WDR7: variants seen among roughly 807,000 people sequenced by gnomAD.
WDR7 encodes WD repeat domain 7.
WDR7 carries 46 observed loss-of-function variants against 169.4 expected under a neutral mutation model. The ratio of observed to expected loss-of-function variants is 0.27; its 90% CI spans 0.21 to 0.35. WDR7 has a LOEUF of 0.35. WDR7 is among the 10% of genes least tolerant of loss of function. WDR7 has a pLI of 1.00. For synonymous variants in WDR7, 612 were observed against 666.8 expected (o/e 0.92, Z 1.27); for missense variants, 1,534 against 1,859.3 (o/e 0.83, Z 3.22).
At chr18:56,660,464 A>G (rs1043492147) in intron 1 of WDR7, among the ~76,000 whole-genome samples, 1 of 152,176 alleles carries the variant, frequency 6.6e-6, no homozygotes, top group Admixed American at 6.5e-5. Context: ...ACCTGTAAGT[A>G]TAATACAAAT....
At position 57,000,005 on chromosome 18, in the gene WDR7, G is replaced by A. The variant is rs190036367; in HGVS notation, c.4165-20740G>A. On this transcript the variant is annotated intron_variant, in intron 26 of 27. Coordinates refer to ENST00000254442, the MANE Select transcript of WDR7 (RefSeq NM_015285.3). ...GACAAATTCCTATCCTCTGGACCTG[G>A]AACAGTGCTGCAGCTGGCCAGCGTA... 8.6e-3 allele frequency among the ~76,000 whole-genome samples: 1,302 copies of A among 152,196 alleles called. 15 individuals are homozygous for A. The highest frequency in any genetic ancestry group is 0.03 in the African/African-American group (1,234 of 41,512).
chr18:56,681,284 T>C, intron 3 of WDR7, 29 bp from the exon 4 acceptor site: 1 of 1,497,942 alleles, frequency 6.7e-7, no homozygotes, highest in Admixed American at 2.2e-5. Flanking sequence ...AAAGTCACAC[T>C]CAAAGCTGAC....
At chr18:56,827,836 TA>T (rs947473308) in intron 20 of WDR7, among the ~76,000 whole-genome samples, 4 of 152,056 alleles carry the variant, frequency 2.6e-5, no homozygotes, top group Non-Finnish European at 2.9e-5. Context: ...ATGCACCTAC[TA>T]TATACCCACA....
intron 21 of WDR7, among the ~76,000 whole-genome samples, chr18:56,895,555 T>TA (rs1183081305): frequency 1.9e-4 from 28 of 147,748 alleles, no homozygotes; most frequent in South Asian, 8.5e-4. Context: ...AATTTAATAG[T>TA]AAAAAAAAAA....
intron 20 of WDR7, among the ~76,000 whole-genome samples, chr18:56,850,274 CTTCT>C (rs1463752794): frequency 6.6e-6 from 1 of 152,000 alleles, no homozygotes; most frequent in Non-Finnish European, 1.5e-5. Context: ...TATTTGTTTA[CTTCT>C]TTATGTTCTG....
At chr18:56,710,457 G>C (rs2026062543) in intron 12 of WDR7, among the ~76,000 whole-genome samples, 1 of 152,096 alleles carries the variant, frequency 6.6e-6, no homozygotes, top group Admixed American at 6.5e-5. Context: ...ATTCATGAAA[G>C]TAATTTTCCA....
At chr18:56,693,120 G>T (rs899452985) in intron 9 of WDR7, among the ~76,000 whole-genome samples, 1 of 152,160 alleles carries the variant, frequency 6.6e-6, no homozygotes, top group Middle Eastern at 3.2e-3. Context: ...CTTAATATGT[G>T]TAGTTTCCAT....
At chr18:56,928,750 C>A (rs538518421) in intron 22 of WDR7, among the ~76,000 whole-genome samples, 19 of 152,036 alleles carry the variant, frequency 1.2e-4, no homozygotes, top group Non-Finnish European at 2.2e-4. Context: ...CATTATCATC[C>A]CCACTTTGCA....
chr18:57,018,280 T>A (rs1472511946), intron 26 of WDR7, among the ~76,000 whole-genome samples: 1 of 152,246 alleles, frequency 6.6e-6, no homozygotes. Flanking sequence ...CCAGTTTTTC[T>A]TAGAAGAACT....
At chr18:56,793,265 C>G (rs2044524136) in intron 19 of WDR7, among the ~76,000 whole-genome samples, 1 of 152,134 alleles carries the variant, frequency 6.6e-6, no homozygotes, top group South Asian at 2.1e-4. Context: ...GGTTTTAGAA[C>G]TTATTTGTTC....
intron 2 of WDR7, among the ~76,000 whole-genome samples, chr18:56,678,055 G>T (rs151139523): frequency 4.7e-4 from 71 of 152,206 alleles, no homozygotes; most frequent in African/African-American, 1.6e-3. Flanking sequence ...AAAAGATTCT[G>T]ATACATTCTT....
intron 22 of WDR7, among the ~76,000 whole-genome samples, chr18:56,929,655 A>G (rs2046854630): frequency 6.6e-6 from 1 of 152,204 alleles, no homozygotes; most frequent in Non-Finnish European, 1.5e-5. Flanking sequence ...ACCCTTAATA[A>G]GGTGAGTGAT....
chr18:56,754,273 G>GTGTGTGTGTA (rs1555686090), intron 14 of WDR7, among the ~76,000 whole-genome samples: 1 of 146,882 alleles, frequency 6.8e-6, no homozygotes, highest in African/African-American at 2.5e-5. Flanking sequence ...GTGTGTGTGT[G>GTGTGTGTGTA]TGTGTGTGTG....
intron 19 of WDR7, among the ~76,000 whole-genome samples, chr18:56,796,654 C>T (rs530317166): frequency 1.3e-5 from 2 of 152,058 alleles, no homozygotes; most frequent in Non-Finnish European, 2.9e-5. Flanking sequence ...TTTGCAGGTG[C>T]TCAGTAATTA....
At chr18:56,728,970 C>T (rs562604812) in intron 13 of WDR7, among the ~76,000 whole-genome samples, 1 of 152,276 alleles carries the variant, frequency 6.6e-6, no homozygotes, top group East Asian at 1.9e-4. Flanking sequence ...TACCTTTGCT[C>T]AGGTGTATTT....
intron 25 of WDR7, among the ~76,000 whole-genome samples, chr18:56,948,944 C>G (rs564805020): frequency 3.5e-4 from 53 of 152,334 alleles, no homozygotes; most frequent in Non-Finnish European, 6.3e-4. Context: ...TATGGCATCT[C>G]TTTCTCAGCC....
At chr18:56,674,148 C>T (rs534424679) in intron 2 of WDR7, among the ~76,000 whole-genome samples, 2 of 152,196 alleles carry the variant, frequency 1.3e-5, no homozygotes, top group South Asian at 2.1e-4. Flanking sequence ...TACACCCGAG[C>T]GTGGAATTGT....
At chr18:56,740,720 G>A (rs2043606979) in intron 14 of WDR7, among the ~76,000 whole-genome samples, 1 of 152,086 alleles carries the variant, frequency 6.6e-6, no homozygotes, top group Non-Finnish European at 1.5e-5. Flanking sequence ...TGCTTGTTGA[G>A]TCCTGAATCC....
At chr18:56,866,652 TA>T (rs1255864253) in intron 20 of WDR7, among the ~76,000 whole-genome samples, 11 of 152,202 alleles carry the variant, frequency 7.2e-5, no homozygotes, top group African/African-American at 2.7e-4. Context: ...AAGCACATAT[TA>T]AATTCTTGCT....
Sources: gnomAD v4.1 joint callset for allele counts (sites outside exome capture counted in the v4.1 genomes callset) on GRCh38, gnomAD v4.1.1 for gene constraint, MANE v1.5 for transcripts, NCBI Gene and HGNC (gene_info 2026-07-23, HGNC 2026-07-21) for gene names.